COL4A3: variants seen among roughly 807,000 people sequenced by gnomAD.
The protein encoded by COL4A3 is collagen type IV alpha 3 chain.
In COL4A3, 135 loss-of-function variants were observed where a neutral mutation model predicts 217.4. That is an observed-to-expected ratio of 0.62 (90% confidence interval 0.54 to 0.72). The LOEUF (loss-of-function observed/expected upper bound fraction) is 0.72. Among genes scored for constraint, COL4A3 ranks in the 30% least tolerant of loss-of-function variants. COL4A3 has a pLI of 0.00. For synonymous variants in COL4A3, 690 were observed against 736.3 expected, an observed-to-expected ratio of 0.94 and a Z score of 1.02; for missense variants, 1,868 against 2,119.9, an observed-to-expected ratio of 0.88 and a Z score of 2.33.
chr2:227,171,714 TG>T (rs2065479821), intron 1 of COL4A3, among the ~76,000 whole-genome samples: 2 of 152,126 alleles, frequency 1.3e-5, no homozygotes, highest in Admixed American at 1.3e-4. Context: ...TTGCCTCCTC[TG>T]AAGAAAGAAT....
In COL4A3 at chr2:227,298,757, C is replaced by A; in HGVS notation, c.3827C>A (p.Pro1276His). The A allele has an allele frequency of 6.2e-7, 1 of 1,613,922 alleles. No homozygotes were observed. The highest frequency in any genetic ancestry group is 8.5e-7 in the Non-Finnish European group (1 of 1,179,862). ...IKGDKGSMGH[P>H]GPKGPPGTAG... is the part of the protein sequence containing the mutation. ...GGAGACAAAGGGTCTATGGGCCACC[C>A]TGGCCCAAAAGGTCCACCTGGAACT... The change falls in exon 43 of 52, where the codon CCT (proline) becomes CAT (histidine). Residue 1276 changes from proline to histidine, a missense_variant. Pro to His is a moderately conservative substitution (Grantham distance 77). Around this residue, in one of 2 missense-constraint regions of COL4A3, gnomAD observed 1,503 missense variants for 1,786.1 expected, o/e 0.84. Transcript: ENST00000396578.
chr2:227,244,720 T>A (rs1281163832), intron 4 of COL4A3: 54 of 702,816 alleles, frequency 7.7e-5, no homozygotes, highest in East Asian at 1.3e-4. Flanking sequence ...TAGGAATCGA[T>A]CCAAAAAAGC....
In COL4A3 at chr2:227,305,032, A is replaced by C. The variant is rs1233988362; in HGVS notation, c.4201A>C (p.Thr1401Pro). ...GCCAGGCAAGGATGGAAAACCAGGAACTCCTGGACCAGCTGGAGAAAAAGG... is the reference window on the plus strand; with the variant it reads ...GCCAGGCAAGGATGGAAAACCAGGACCTCCTGGACCAGCTGGAGAAAAAGG... ...GKPGKDGKPG[T>P]PGPAGEKGNK... The change falls in exon 47 of 52, where the codon ACT (threonine) becomes CCT (proline). Residue 1401 changes from threonine to proline, a missense_variant. Physicochemically the swap from Thr to Pro is conservative, Grantham distance 38 (BLOSUM62 -1). Transcript: ENST00000396578. 2 of 1,613,768 alleles carry C rather than the reference A, an allele frequency of 1.2e-6. No homozygotes were observed. Among genetic ancestry groups the C allele is most frequent in the African/African-American group, 2.7e-5 (2 of 74,864 alleles).
chr2:227,304,003 A>G lies in COL4A3; in HGVS notation c.4028-16A>G. 6.2e-7 allele frequency: 1 copy of G among 1,614,192 alleles called. No homozygotes were observed. Among genetic ancestry groups the G allele is most frequent in the South Asian group, 1.1e-5 (1 of 91,078 alleles). ...TCCGTGAGGCCATCATCTTCTTCTT[A>G]TGTTTATGTCAACAGGTGTACGTGG... On this transcript the variant is annotated splice_polypyrimidine_tract_variant and intron_variant, in intron 45 of 51. Coordinates refer to ENST00000396578, the MANE Select transcript of COL4A3 (RefSeq NM_000091.5).
intron 20 of COL4A3, among the ~76,000 whole-genome samples, chr2:227,261,825 C>CT (rs34730191): frequency 6.6e-6 from 1 of 152,174 alleles, no homozygotes; most frequent in Non-Finnish European, 1.5e-5. Flanking sequence ...CTACATTACA[C>CT]TTTTTCTGTA....
At chr2:227,220,368 A>G (rs1416639752) in intron 1 of COL4A3, among the ~76,000 whole-genome samples, 1 of 151,942 alleles carries the variant, frequency 6.6e-6, no homozygotes, top group Non-Finnish European at 1.5e-5. Flanking sequence ...ATTTTATTAG[A>G]GACCGGGTTT....
intron 16 of COL4A3, 46 bp from the exon 17 acceptor site, chr2:227,256,297 T>C: frequency 6.4e-7 from 1 of 1,564,034 alleles, no homozygotes; most frequent in Middle Eastern, 1.7e-4. Flanking sequence ...CAGAAGAAGT[T>C]GGCTCCTGTG....
intron 43 of COL4A3, chr2:227,301,767 G>A (rs1298249914): frequency 3.3e-5 from 5 of 152,198 alleles, no homozygotes; most frequent in African/African-American, 1.2e-4. Context: ...GGATAACCCT[G>A]GCAACATGCC....
At chr2:227,264,019 C>A (rs939509078) in intron 21 of COL4A3, 75 bp downstream of exon 21, 3 of 1,529,950 alleles carry the variant, frequency 2.0e-6, no homozygotes, top group African/African-American at 2.7e-5. Context: ...GGCAACAAAC[C>A]CTCCTCACAG....
rs1296089702 is a variant in COL4A3 at position 227,283,865 on chromosome 2, T to TA, written c.2746+10dup. 6.2e-7 allele frequency: 1 copy of TA among 1,602,736 alleles called. No homozygotes were observed. The highest frequency in any genetic ancestry group is 8.5e-7 in the Non-Finnish European group (1 of 1,169,626). On this transcript the variant is annotated intron_variant, in intron 33 of 51. Transcript: ENST00000396578. ...CACACCAGGGCAGAGGGGTAAGTGA[T>TA]AGAGTGTCTTTCTAAATAGCAGGAA...
intron 20 of COL4A3, among the ~76,000 whole-genome samples, chr2:227,262,544 G>C (rs1275577343): frequency 1.3e-5 from 2 of 152,166 alleles, no homozygotes; most frequent in Non-Finnish European, 2.9e-5. Context: ...CCATTTGTTT[G>C]TGTGCTCTTC....
intron 1 of COL4A3, among the ~76,000 whole-genome samples, chr2:227,173,059 T>G (rs1238945818): frequency 2.0e-5 from 3 of 152,174 alleles, no homozygotes; most frequent in Non-Finnish European, 4.4e-5. Context: ...ATTCTGCCCC[T>G]GGTCTCAAGA....
intron 1 of COL4A3, among the ~76,000 whole-genome samples, chr2:227,206,624 C>T (rs2067110195): frequency 6.6e-6 from 1 of 151,972 alleles, no homozygotes; most frequent in Non-Finnish European, 1.5e-5. Context: ...TATGTAACAC[C>T]TGAGAACTTG....
chr2:227,211,892 A>T (rs2067337645), intron 1 of COL4A3, among the ~76,000 whole-genome samples: 1 of 151,920 alleles, frequency 6.6e-6, no homozygotes, highest in South Asian at 2.1e-4. Flanking sequence ...TCCTGACCTC[A>T]CTGACCTCAG....
At chr2:227,204,578 A>T (rs757169735) in intron 1 of COL4A3, among the ~76,000 whole-genome samples, 8 of 152,302 alleles carry the variant, frequency 5.3e-5, no homozygotes, top group South Asian at 4.1e-4. Flanking sequence ...AGACAGGCTA[A>T]CAGAATTCCT....
intron 11 of COL4A3, among the ~76,000 whole-genome samples, chr2:227,252,184 AG>A (rs2069793362): frequency 6.7e-6 from 1 of 148,734 alleles, no homozygotes; most frequent in South Asian, 2.1e-4. Flanking sequence ...TCCTACTATC[AG>A]GTAGCCTTTT....
At chr2:227,287,233 A>T (rs1413344390) in intron 34 of COL4A3, among the ~76,000 whole-genome samples, 1 of 152,136 alleles carries the variant, frequency 6.6e-6, no homozygotes. Flanking sequence ...AGAGATCGAG[A>T]CCATCCTGGC....
At chr2:227,204,955 A>T (rs915182065) in intron 1 of COL4A3, among the ~76,000 whole-genome samples, 2 of 152,232 alleles carry the variant, frequency 1.3e-5, no homozygotes, top group African/African-American at 4.8e-5. Flanking sequence ...CAGGTGCAAC[A>T]GCGGTGATGG....
chr2:227,218,233 G>A lies in COL4A3; in HGVS notation c.88-19735G>A, dbSNP rs1201024032. ...TGTAATCGCAGCACTTTGGGAGGCC[G>A]AGACGGGTGGATCACGAGGTCAGGA... On this transcript the variant is annotated intron_variant, in intron 1 of 51. Transcript: ENST00000396578. 2.6e-5 allele frequency among the ~76,000 whole-genome samples: 4 copies of A among 151,908 alleles called. 1 individual carries two copies. The highest frequency in any genetic ancestry group is 2.1e-4 in the South Asian group (1 of 4,816).
Sources: allele counts gnomAD v4.1 joint callset (sites outside exome capture counted in the v4.1 genomes callset), GRCh38; gene constraint gnomAD v4.1.1; regional missense constraint gnomAD v4.1.1; transcripts MANE v1.5; gene names NCBI Gene and HGNC (gene_info 2026-07-23, HGNC 2026-07-21).